Variants in NEURL1 observed in about 807,000 individuals in gnomAD.
NEURL1 encodes E3 ubiquitin-protein ligase NEURL1.
Under a neutral mutation model 41.2 loss-of-function variants are expected in NEURL1, and 26 were observed. That is an observed-to-expected ratio of 0.63 (90% confidence interval 0.46 to 0.87). NEURL1 has a LOEUF of 0.87. Among genes scored for constraint, NEURL1 ranks in the 40% least tolerant of loss-of-function variants. The pLI, the probability that NEURL1 is intolerant of heterozygous loss-of-function variation, is 0.00. For missense variants in NEURL1, 761 were observed against 871.1 expected (o/e 0.87, Z 1.59); for synonymous variants, 400 against 402.3 (o/e 0.99, Z 0.07).
chr10:103,580,572 C>T (rs748172557), intron 3 of NEURL1, among the ~76,000 whole-genome samples: 3 of 152,158 alleles, frequency 2.0e-5, no homozygotes, highest in South Asian at 2.1e-4. Context: ...GTCCCTTCTG[C>T]GGAGGGTGTT....
chr10:103,494,511 G>T, intron 1 of NEURL1, 39 bp downstream of exon 1: 4 of 1,495,886 alleles, frequency 2.7e-6, no homozygotes, highest in Non-Finnish European at 3.6e-6. Context: ...GGACTGGGGC[G>T]CAGGTGGAGG....
intron 1 of NEURL1, among the ~76,000 whole-genome samples, chr10:103,529,674 G>T (rs2034529807): frequency 6.6e-6 from 1 of 152,164 alleles, no homozygotes; most frequent in South Asian, 2.1e-4. Flanking sequence ...TCCAAATTCT[G>T]GAGAAATCAA....
At chr10:103,501,110 C>T (rs1245926844) in intron 1 of NEURL1, among the ~76,000 whole-genome samples, 1 of 152,042 alleles carries the variant, frequency 6.6e-6, no homozygotes. Flanking sequence ...GATGTGGGGT[C>T]CCCAGTGGGG....
At chr10:103,533,363 C>A (rs2034614670) in intron 1 of NEURL1, among the ~76,000 whole-genome samples, 1 of 150,534 alleles carries the variant, frequency 6.6e-6, no homozygotes, top group Non-Finnish European at 1.5e-5. Flanking sequence ...AATGACCTTT[C>A]TTTTTTCTTT....
intron 3 of NEURL1, among the ~76,000 whole-genome samples, chr10:103,575,351 G>C (rs2035638574): frequency 6.6e-6 from 1 of 151,910 alleles, no homozygotes; most frequent in South Asian, 2.1e-4. Flanking sequence ...TCTGAGGCTG[G>C]GCCAGTCTTT....
chr10:103,574,230 G>A (rs1295219789), intron 3 of NEURL1, among the ~76,000 whole-genome samples: 1 of 152,206 alleles, frequency 6.6e-6, no homozygotes, highest in Non-Finnish European at 1.5e-5. Flanking sequence ...GGGAGATGAA[G>A]CAAACACTCC....
At chr10:103,496,491 A>G (rs1214649092) in intron 1 of NEURL1, among the ~76,000 whole-genome samples, 3 of 152,148 alleles carry the variant, frequency 2.0e-5, no homozygotes, top group Non-Finnish European at 2.9e-5. Context: ...GTTAACAATT[A>G]TTTCCTCTGG....
intron 1 of NEURL1, among the ~76,000 whole-genome samples, chr10:103,535,543 T>C (rs1160302748): frequency 6.6e-6 from 1 of 152,180 alleles, no homozygotes; most frequent in African/African-American, 2.4e-5. Flanking sequence ...AGCACCACTT[T>C]AGCTTAGGCA....
intron 1 of NEURL1, among the ~76,000 whole-genome samples, chr10:103,533,366 T>C (rs1381834973): frequency 1.3e-5 from 2 of 152,026 alleles, no homozygotes; most frequent in Non-Finnish European, 2.9e-5. Context: ...GACCTTTCTT[T>C]TTTCTTTTCT....
At chr10:103,564,833 G>C (rs2035382898) in intron 1 of NEURL1, among the ~76,000 whole-genome samples, 1 of 152,104 alleles carries the variant, frequency 6.6e-6, no homozygotes, top group African/African-American at 2.4e-5. Flanking sequence ...TTCTCATTTT[G>C]CTTTCTGCTT....
At chr10:103,553,372 A>G (rs890611836) in intron 1 of NEURL1, among the ~76,000 whole-genome samples, 37 of 152,074 alleles carry the variant, frequency 2.4e-4, no homozygotes, top group African/African-American at 8.9e-4. Flanking sequence ...TCCCGCCCCC[A>G]TGGGAACTGG....
At chr10:103,559,889 CACAT>C (rs1474427756) in intron 1 of NEURL1, among the ~76,000 whole-genome samples, 3 of 152,090 alleles carry the variant, frequency 2.0e-5, no homozygotes, top group Admixed American at 1.3e-4. Context: ...CACACATACA[CACAT>C]GCATGCACAC....
chr10:103,544,035 A>G (rs2034876098), intron 1 of NEURL1, among the ~76,000 whole-genome samples: 1 of 152,182 alleles, frequency 6.6e-6, no homozygotes, highest in African/African-American at 2.4e-5. Flanking sequence ...CTCGGGAGCC[A>G]CAGGAGGTAG....
At chr10:103,579,655 C>CTT (rs1361519951) in intron 3 of NEURL1, among the ~76,000 whole-genome samples, 1 of 152,172 alleles carries the variant, frequency 6.6e-6, no homozygotes, top group Non-Finnish European at 1.5e-5. Flanking sequence ...ATTTTCCTGA[C>CTT]TTCGGGGCAG....
intron 1 of NEURL1, among the ~76,000 whole-genome samples, chr10:103,536,856 A>G (rs1348369723): frequency 6.6e-6 from 1 of 152,176 alleles, no homozygotes; most frequent in South Asian, 2.1e-4. Context: ...TGCACCATCC[A>G]TCTCCAGAAC....
rs56098530 is a variant in NEURL1 at position 103,503,788 on chromosome 10, C to CTTTTTTTTTTTTTTTTTTTTTTTTT, written c.85+9336_85+9337insTTTTTTTTTTTTTTTTTTTTTTTTT. ...AGAGCTCATGCTGTGCTCCCCCTGG[C>CTTTTTTTTTTTTTTTTTTTTTTTTT]TTTTTTTTTTTTTTTTTTTTGAGAC... On this transcript the variant is annotated intron_variant, in intron 1 of 5. Transcript: ENST00000369780. 1.8e-5 allele frequency among the ~76,000 whole-genome samples: 2 copies of CTTTTTTTTTTTTTTTTTTTTTTTTT among 110,586 alleles called. 1 individual carries two copies. The highest frequency in any genetic ancestry group is 3.5e-5 in the Non-Finnish European group (2 of 57,744). 72.5% of individuals were successfully genotyped at this position (110,586 alleles called of 152,430 possible).
intron 1 of NEURL1, among the ~76,000 whole-genome samples, chr10:103,498,251 G>A (rs1336239521): frequency 2.6e-5 from 4 of 152,084 alleles, no homozygotes; most frequent in African/African-American, 4.8e-5. Flanking sequence ...TTTTTGAGAC[G>A]GAGTCTCGCT....
At position 103,493,777 on chromosome 10, in the gene NEURL1, G is replaced by T. The variant is rs1261190219; in HGVS notation, c.-611G>T. On this transcript the variant is annotated 5_prime_UTR_variant, in exon 1 of 6. Transcript: ENST00000369780. Reference sequence around the variant, plus strand: ...GGAATCCTGGAGACTGCCGGGGCGGGGGGCGGGGGCGGCGGTCGCAGGAGG... The same window carrying T: ...GGAATCCTGGAGACTGCCGGGGCGGTGGGCGGGGGCGGCGGTCGCAGGAGG... 2.0e-5 allele frequency among the ~76,000 whole-genome samples: 3 copies of T among 152,074 alleles called. No homozygotes were observed. In the East Asian group the frequency reaches 5.8e-4, roughly 30 times the overall value.
intron 1 of NEURL1, among the ~76,000 whole-genome samples, chr10:103,526,301 A>G (rs1241814532): frequency 6.6e-6 from 1 of 152,120 alleles, no homozygotes; most frequent in Non-Finnish European, 1.5e-5. Context: ...GAAGAGTTTG[A>G]GAAGAATTGG....
Sources: allele counts gnomAD v4.1 joint callset (sites outside exome capture counted in the v4.1 genomes callset), GRCh38; gene constraint gnomAD v4.1.1; transcripts MANE v1.5; gene names NCBI Gene and HGNC (gene_info 2026-07-23, HGNC 2026-07-21).